ARHGEF33: variants seen among roughly 807,000 people sequenced by gnomAD.
ARHGEF33 encodes DH and coiled-coil domain-containing protein ENSP00000381780.
In ARHGEF33, 72 loss-of-function variants were observed where a neutral mutation model predicts 101.9. The observed-to-expected ratio is 0.71, with a 90% CI of 0.58 to 0.86. ARHGEF33 has a LOEUF of 0.86. ARHGEF33 is among the 40% of genes least tolerant of loss of function. The pLI, the probability that ARHGEF33 is intolerant of heterozygous loss-of-function variation, is 0.00. For missense variants in ARHGEF33, 1,169 were observed against 1,111.3 expected (o/e 1.05, Z -0.74); for synonymous variants, 499 against 442.5 (o/e 1.13, Z -1.60).
intron 17 of ARHGEF33, among the ~76,000 whole-genome samples, chr2:38,970,742 G>A (rs1396366348): frequency 6.6e-6 from 1 of 152,152 alleles, no homozygotes; most frequent in Non-Finnish European, 1.5e-5. Context: ...GCACATAGTA[G>A]GCACTCAACA....
intron 4 of ARHGEF33, among the ~76,000 whole-genome samples, chr2:38,926,619 C>T (rs991550432): frequency 6.6e-6 from 1 of 152,130 alleles, no homozygotes; most frequent in African/African-American, 2.4e-5. Flanking sequence ...CAAAAATAGC[C>T]TCAGAATTCC....
intron 3 of ARHGEF33, among the ~76,000 whole-genome samples, chr2:38,920,297 C>G (rs755586571): frequency 3.1e-4 from 47 of 152,096 alleles, no homozygotes; most frequent in Non-Finnish European, 5.6e-4. Context: ...CATGGATTGC[C>G]TCATCTTTAT....
intron 2 of ARHGEF33, among the ~76,000 whole-genome samples, chr2:38,915,889 G>A (rs1572745768): frequency 6.6e-6 from 1 of 152,224 alleles, no homozygotes; most frequent in South Asian, 2.1e-4. Flanking sequence ...AGCCATGAGT[G>A]CTGGCACATG....
chr2:38,957,584 A>C (rs892106387), intron 14 of ARHGEF33, among the ~76,000 whole-genome samples: 1 of 152,220 alleles, frequency 6.6e-6, no homozygotes, highest in African/African-American at 2.4e-5. Flanking sequence ...AATTTCAGAT[A>C]GGTTTTATAT....
At chr2:38,937,694 A>G in intron 9 of ARHGEF33, 135 bp downstream of exon 9, 1 of 630,940 alleles carries the variant, frequency 1.6e-6, no homozygotes, top group South Asian at 2.0e-5. Context: ...TTTCCTTTTC[A>G]GATGAACTAA....
At chr2:38,944,825 C>G (rs1347313655) in intron 10 of ARHGEF33, among the ~76,000 whole-genome samples, 3 of 151,196 alleles carry the variant, frequency 2.0e-5, no homozygotes, top group Non-Finnish European at 4.4e-5. Flanking sequence ...TAACTCTGGA[C>G]CTGGGCCTTA....
intron 8 of ARHGEF33, among the ~76,000 whole-genome samples, chr2:38,936,439 T>G (rs2124391336): frequency 6.6e-6 from 1 of 152,316 alleles, no homozygotes; most frequent in Admixed American, 6.5e-5. Flanking sequence ...TGCTCCAGCA[T>G]CTGGTGTGCT....
intron 10 of ARHGEF33, among the ~76,000 whole-genome samples, chr2:38,945,423 G>T (rs190627454): frequency 6.6e-6 from 1 of 152,322 alleles, no homozygotes; most frequent in African/African-American, 2.4e-5. Flanking sequence ...GAAGCAACAA[G>T]AACAGAAAGG....
chr2:38,936,141 G>A, intron 8 of ARHGEF33, among the ~76,000 whole-genome samples: 1 of 152,186 alleles, frequency 6.6e-6, no homozygotes, highest in East Asian at 1.9e-4. Flanking sequence ...CATGATGTAA[G>A]TTTTCCGTGG....
chr2:38,919,311 G>A, intron 2 of ARHGEF33, 52 bp from the exon 3 acceptor site: 1 of 844,936 alleles, frequency 1.2e-6, no homozygotes, highest in Non-Finnish European at 1.9e-6. Flanking sequence ...AGTAAATACA[G>A]TTTCTTTGAC....
In ARHGEF33 at chr2:38,935,831, C is replaced by G; in HGVS notation, c.562C>G (p.Pro188Ala). 4 of 1,550,484 alleles carry G rather than the reference C, an allele frequency of 2.6e-6. No homozygotes were observed. Among genetic ancestry groups the G allele is most frequent in the Non-Finnish European group, 3.5e-6 (4 of 1,145,652 alleles). Reference sequence around the variant, plus strand: ...CAGTAATGTAAAAGGAATGATGGGTCCTGGTAAGTGACTCTTCTCTTAGTT... The same window carrying G: ...CAGTAATGTAAAAGGAATGATGGGTGCTGGTAAGTGACTCTTCTCTTAGTT... ...GDSNVKGMMG[P>A]GVNPTTPEAE... is the part of the protein sequence containing the mutation. Residue 188 changes from proline (P) to alanine (A), a missense_variant, in exon 8 of 18, where the codon CCT (proline) becomes GCT (alanine). Transcript: ENST00000409978.
chr2:38,906,051 G>A (rs1666380043), intron 2 of ARHGEF33, among the ~76,000 whole-genome samples: 1 of 151,956 alleles, frequency 6.6e-6, no homozygotes, highest in South Asian at 2.1e-4. Context: ...CGAGATCAGG[G>A]CAACATGACC....
chr2:38,969,589 GA>G, intron 17 of ARHGEF33: 1 of 168,650 alleles, frequency 5.9e-6, no homozygotes. Context: ...AAAAAATCCT[GA>G]AAAATGCCCA....
intron 7 of ARHGEF33, among the ~76,000 whole-genome samples, chr2:38,932,876 C>A (rs1234834237): frequency 6.6e-6 from 1 of 152,048 alleles, no homozygotes; most frequent in Non-Finnish European, 1.5e-5. Context: ...CCTGTATAGA[C>A]GTGGTCATAG....
chr2:38,968,685 C>G (rs976689194), intron 17 of ARHGEF33, among the ~76,000 whole-genome samples: 2 of 152,202 alleles, frequency 1.3e-5, no homozygotes, highest in Admixed American at 6.5e-5. Flanking sequence ...GTTGCCACCA[C>G]CAATACTGGT....
In ARHGEF33 at chr2:38,889,996, C is replaced by A; in HGVS notation, c.-159+10C>A. 1 of 466,376 alleles carries A rather than the reference C, an allele frequency of 2.1e-6. No homozygotes were observed. The highest frequency in any genetic ancestry group is 1.6e-5 in the South Asian group (1 of 63,570). The allele number at this position is 466,376 out of a possible 1,614,324, so 28.9% of individuals were successfully genotyped here. On this transcript the variant is annotated intron_variant, in intron 1 of 17. Coordinates refer to ENST00000409978, the MANE Select transcript of ARHGEF33 (RefSeq NM_001145451.5). ...CCGCAGGCAACATGGGGTAAGTATGCGCTTTTATATGCTTTAAGGGGCACT... is the reference window on the plus strand; with the variant it reads ...CCGCAGGCAACATGGGGTAAGTATGAGCTTTTATATGCTTTAAGGGGCACT...
Position 38,921,367 on chromosome 2 carries a change from C to G in ARHGEF33, c.26-7C>G, listed in dbSNP as rs1666752425. ...TGTTGATTAAACAAAGCTCTTTCTC[C>G]CTGCAGGAGAGAATGAACATATGCC... On this transcript the variant is annotated splice_region_variant and splice_polypyrimidine_tract_variant and intron_variant, in intron 3 of 17. Transcript: ENST00000409978. 3.3e-6 allele frequency: 5 copies of G among 1,526,518 alleles called. No individual in the cohort carries two copies. The Admixed American group carries it at 7.9e-5, about 24-fold the overall frequency. The allele number at this position is 1,526,518 out of a possible 1,614,324, so 94.6% of individuals were successfully genotyped here.
At chr2:38,945,906 A>G (rs1667438958) in intron 10 of ARHGEF33, among the ~76,000 whole-genome samples, 1 of 152,190 alleles carries the variant, frequency 6.6e-6, no homozygotes, top group Non-Finnish European at 1.5e-5. Context: ...CGCAGAACCA[A>G]TTAGTGCCGG....
intron 17 of ARHGEF33, among the ~76,000 whole-genome samples, chr2:38,966,418 GA>G (rs1255744878): frequency 6.6e-6 from 1 of 152,188 alleles, no homozygotes; most frequent in Non-Finnish European, 1.5e-5. Context: ...GGAGTGGGCA[GA>G]GGTGGTTCCC....
Sources: allele counts gnomAD v4.1 joint callset (sites outside exome capture counted in the v4.1 genomes callset), GRCh38; gene constraint gnomAD v4.1.1; transcripts MANE v1.5; gene names NCBI Gene and HGNC (gene_info 2026-07-23, HGNC 2026-07-21).